The following AKAP6 variants were observed in gnomAD, a reference collection of about 807,000 sequenced individuals.
AKAP6 encodes A-kinase anchor protein 6.
A neutral mutation model predicts 188.5 loss-of-function variants in AKAP6; 58 were observed. That is an observed-to-expected ratio of 0.31 (90% confidence interval 0.25 to 0.38). AKAP6 has a LOEUF of 0.38. Ranked by LOEUF, AKAP6 falls within the 10% of genes least tolerant of loss-of-function variation. The pLI is 1.00. For synonymous variants in AKAP6, 989 were observed against 998.6 expected (o/e 0.99, Z 0.18); for missense variants, 2,710 against 2,740.0 (o/e 0.99, Z 0.24).
rs115138990 is a variant in AKAP6 at position 32,438,427 on chromosome 14, G to A, written c.324+4610G>A. Among the ~76,000 whole-genome samples the A allele has an allele frequency of 1.4e-3, 220 of 152,202 alleles. 1 individual carries two copies. Among genetic ancestry groups the A allele is most frequent in the African/African-American group, 5.1e-3 (213 of 41,528 alleles). On this transcript the variant is annotated intron_variant, in intron 2 of 13. Coordinates refer to ENST00000280979, the MANE Select transcript of AKAP6 (RefSeq NM_004274.5). ...AAAGTGATTTTATCTTCTGGTCATT[G>A]TGTTGATCCTAAAGTCTGTTTCCCA...
chr14:32,657,714 A>ATT (rs199719679), intron 7 of AKAP6, among the ~76,000 whole-genome samples: 1 of 147,082 alleles, frequency 6.8e-6, no homozygotes, highest in African/African-American at 2.5e-5. Context: ...AAAGCTCACC[A>ATT]TTTTTTTTTT....
At chr14:32,513,606 G>A (rs918707923) in intron 2 of AKAP6, among the ~76,000 whole-genome samples, 6 of 152,102 alleles carry the variant, frequency 3.9e-5, no homozygotes, top group Admixed American at 1.3e-4. Context: ...AGTTTGACAT[G>A]CATTCCCTGA....
intron 2 of AKAP6, among the ~76,000 whole-genome samples, chr14:32,440,748 C>T (rs1594616321): frequency 6.6e-6 from 1 of 152,042 alleles, no homozygotes; most frequent in South Asian, 2.1e-4. Context: ...AAAGCATATC[C>T]CAAATCTCTG....
At chr14:32,719,957 A>G (rs772210292) in intron 9 of AKAP6, among the ~76,000 whole-genome samples, 3 of 152,204 alleles carry the variant, frequency 2.0e-5, no homozygotes, top group Non-Finnish European at 4.4e-5. Flanking sequence ...GCTAAAAATA[A>G]ATCTATATTT....
intron 2 of AKAP6, among the ~76,000 whole-genome samples, chr14:32,445,725 C>T (rs1002107979): frequency 2.6e-5 from 4 of 152,200 alleles, no homozygotes; most frequent in South Asian, 2.1e-4. Context: ...TAATCATAGA[C>T]ACAGCATTCA....
intron 2 of AKAP6, among the ~76,000 whole-genome samples, chr14:32,449,921 C>A (rs1890881428): frequency 6.6e-6 from 1 of 152,164 alleles, no homozygotes; most frequent in Non-Finnish European, 1.5e-5. Context: ...TTAGTGTCAG[C>A]CAGCTTTTAA....
At chr14:32,424,158 T>C (rs932433752) in intron 1 of AKAP6, among the ~76,000 whole-genome samples, 4 of 152,330 alleles carry the variant, frequency 2.6e-5, no homozygotes, top group Middle Eastern at 3.4e-3. Flanking sequence ...GTATTGACTT[T>C]CCTGTACCAT....
At chr14:32,665,361 T>C (rs1050197741) in intron 7 of AKAP6, among the ~76,000 whole-genome samples, 1 of 152,172 alleles carries the variant, frequency 6.6e-6, no homozygotes, top group African/African-American at 2.4e-5. Flanking sequence ...TGGATTAATA[T>C]GCTGGAGCAG....
intron 8 of AKAP6, among the ~76,000 whole-genome samples, chr14:32,680,740 G>T (rs918224913): frequency 6.6e-6 from 1 of 152,194 alleles, no homozygotes; most frequent in Non-Finnish European, 1.5e-5. Context: ...AGAATTTTAT[G>T]TAACCAAAAT....
rs1238462791 is a variant in AKAP6 at position 32,692,950 on chromosome 14, T to C, written c.2880-3040T>C. ...AGGCTCTTAGACACATTATAGCCTC[T>C]CTAATAAATTAACATTCTCTTTAGG... On this transcript the variant is annotated intron_variant, in intron 8 of 13. Transcript: ENST00000280979. 2.0e-5 allele frequency among the ~76,000 whole-genome samples: 3 copies of C among 152,192 alleles called. No homozygotes were observed. In the East Asian group the frequency reaches 5.8e-4, roughly 29 times the overall value.
chr14:32,778,001 T>C (rs995283645), intron 12 of AKAP6, among the ~76,000 whole-genome samples: 2 of 152,256 alleles, frequency 1.3e-5, no homozygotes, highest in Admixed American at 6.5e-5. Flanking sequence ...TTTGTGCCAC[T>C]GCACTCTAGC....
chr14:32,571,214 C>CTT (rs3032428), intron 4 of AKAP6, among the ~76,000 whole-genome samples: 5,087 of 145,188 alleles, frequency 0.035, 294 homozygotes, highest in African/African-American at 0.12. Context: ...CAGAAGCTGA[C>CTT]TTTTTTTTTT....
chr14:32,787,516 A>ACC (rs76809877), intron 12 of AKAP6, among the ~76,000 whole-genome samples: 3 of 151,508 alleles, frequency 2.0e-5, no homozygotes, highest in African/African-American at 7.3e-5. Context: ...TCTAGATTTC[A>ACC]CCCCCCCCAA....
intron 4 of AKAP6, among the ~76,000 whole-genome samples, chr14:32,548,262 C>T (rs1883287662): frequency 6.6e-6 from 1 of 151,984 alleles, no homozygotes; most frequent in Non-Finnish European, 1.5e-5. Context: ...CAACCATGCC[C>T]AGCTAATTTT....
At chr14:32,388,211 T>C (rs1029383771) in intron 1 of AKAP6, among the ~76,000 whole-genome samples, 1 of 152,156 alleles carries the variant, frequency 6.6e-6, no homozygotes, top group African/African-American at 2.4e-5. Flanking sequence ...TTATTTCTTA[T>C]TGAGTTTATT....
intron 8 of AKAP6, among the ~76,000 whole-genome samples, chr14:32,691,454 T>C (rs1890175429): frequency 6.6e-6 from 1 of 152,234 alleles, no homozygotes; most frequent in Admixed American, 6.5e-5. Context: ...AAGTGAACTC[T>C]TTCCTTACTT....
intron 1 of AKAP6, among the ~76,000 whole-genome samples, chr14:32,346,442 C>A (rs1235130741): frequency 6.6e-6 from 1 of 152,240 alleles, no homozygotes; most frequent in East Asian, 1.9e-4. Flanking sequence ...TTACCAAGCA[C>A]TTTCACTTGT....
intron 2 of AKAP6, among the ~76,000 whole-genome samples, chr14:32,454,709 TTCCCTCCTTCTCTCCTTCCCTCCTTCCC>T (rs1891074213): frequency 3.3e-3 from 43 of 12,954 alleles, no homozygotes; most frequent in Non-Finnish European, 7.2e-3. Context: ...CCCTCCCTCC[TTCCCTCCTTCTCTCCTTCCCTCCTTCCC>T]TCCCTCCCTC....
chr14:32,776,397 T>C (rs576438488), intron 12 of AKAP6, among the ~76,000 whole-genome samples: 213 of 152,320 alleles, frequency 1.4e-3, no homozygotes, highest in African/African-American at 3.5e-3. Flanking sequence ...TCTTGTCTGC[T>C]GCCATGTAAG....
Sources: gnomAD v4.1 joint callset for allele counts (sites outside exome capture counted in the v4.1 genomes callset) on GRCh38, gnomAD v4.1.1 for gene constraint, MANE v1.5 for transcripts, NCBI Gene and HGNC (gene_info 2026-07-23, HGNC 2026-07-21) for gene names.